Variants in ATXN1 observed in about 807,000 individuals in gnomAD.
The protein encoded by ATXN1 is ataxin 1.
In ATXN1, 8 loss-of-function variants were observed where a neutral mutation model predicts 56.4. That is an observed-to-expected ratio of 0.14 (90% CI 0.08 to 0.26). ATXN1 has a LOEUF of 0.26. Among genes scored for constraint, ATXN1 ranks in the 10% least tolerant of loss-of-function variants. The probability of loss-of-function intolerance (pLI) is 1.00; values close to 1 mark genes in which losing one functional copy is unlikely to be tolerated. For missense variants in ATXN1, 987 were observed against 1,106.5 expected (o/e 0.89, Z 1.53); for synonymous variants, 514 against 494.6 (o/e 1.04, Z -0.52).
In ATXN1 at chr6:16,743,572, C is replaced by T. The variant is rs867618060; in HGVS notation, c.-615+9661G>A. Among the ~76,000 whole-genome samples, 36 of 152,318 alleles carry T rather than the reference C, an allele frequency of 2.4e-4. No individual in the cohort carries two copies. In the Middle Eastern group the frequency reaches 0.01, roughly 43 times the overall value. ...GTATGTATTGCCCATTCACTAGATG[C>T]CACATACTGGAAAGAGGGCAGTCCC... On this transcript the variant is annotated intron_variant, in intron 2 of 7. Coordinates refer to ENST00000436367, the MANE Select transcript of ATXN1 (RefSeq NM_001128164.2).
At chr6:16,660,254 G>A (rs1758288562) in intron 2 of ATXN1, among the ~76,000 whole-genome samples, 1 of 152,158 alleles carries the variant, frequency 6.6e-6, no homozygotes, top group South Asian at 2.1e-4. Context: ...ACCATTTGAA[G>A]TTATCATAAG....
At chr6:16,357,023 C>A (rs772987797) in intron 6 of ATXN1, among the ~76,000 whole-genome samples, 4 of 152,110 alleles carry the variant, frequency 2.6e-5, no homozygotes, top group Non-Finnish European at 4.4e-5. Context: ...ATTCTTTTCA[C>A]CAACAGTCTC....
At chr6:16,556,622 G>A (rs965039261) in intron 4 of ATXN1, among the ~76,000 whole-genome samples, 2 of 152,122 alleles carry the variant, frequency 1.3e-5, no homozygotes, top group African/African-American at 2.4e-5. Flanking sequence ...CCCTACAAAC[G>A]CCAAATGGAC....
intron 6 of ATXN1, among the ~76,000 whole-genome samples, chr6:16,431,020 T>C (rs759529611): frequency 2.1e-5 from 3 of 141,200 alleles, no homozygotes; most frequent in Non-Finnish European, 4.6e-5. Context: ...CTCATGTTTC[T>C]ATGACCTTCC....
intron 6 of ATXN1, among the ~76,000 whole-genome samples, chr6:16,415,569 C>T (rs1231001855): frequency 2.0e-5 from 3 of 152,132 alleles, no homozygotes; most frequent in Admixed American, 1.3e-4. Context: ...CTTGTTTACC[C>T]GAAGCAGCTG....
At chr6:16,512,006 A>G (rs966706334) in intron 5 of ATXN1, among the ~76,000 whole-genome samples, 1 of 152,126 alleles carries the variant, frequency 6.6e-6, no homozygotes, top group Non-Finnish European at 1.5e-5. Flanking sequence ...TTTCTCCTCA[A>G]ACGGTCCCTC....
intron 6 of ATXN1, among the ~76,000 whole-genome samples, chr6:16,351,063 TG>T (rs1236066201): frequency 6.6e-6 from 1 of 152,078 alleles, no homozygotes; most frequent in Non-Finnish European, 1.5e-5. Flanking sequence ...CACTCCAACC[TG>T]GGAGACAGAA....
intron 6 of ATXN1, among the ~76,000 whole-genome samples, chr6:16,449,520 C>A (rs185822595): frequency 3.3e-5 from 5 of 149,680 alleles, no homozygotes; most frequent in African/African-American, 1.3e-4. Flanking sequence ...TTAAGTACAT[C>A]AATGAGCATC....
intron 6 of ATXN1, among the ~76,000 whole-genome samples, chr6:16,344,768 T>C (rs1321701269): frequency 6.6e-6 from 1 of 152,232 alleles, no homozygotes; most frequent in Non-Finnish European, 1.5e-5. Context: ...TTTGATCATG[T>C]GAGTCAATAT....
chr6:16,429,373 G>C (rs1257883063), intron 6 of ATXN1, among the ~76,000 whole-genome samples: 2 of 11,146 alleles, frequency 1.8e-4, no homozygotes, highest in African/African-American at 3.8e-4. Context: ...AGTCCTTTTA[G>C]CATTAAAAAA....
At chr6:16,548,955 T>C (rs975252708) in intron 4 of ATXN1, among the ~76,000 whole-genome samples, 3 of 151,906 alleles carry the variant, frequency 2.0e-5, no homozygotes, top group African/African-American at 7.3e-5. Flanking sequence ...GCAAACAAAA[T>C]AAAATACTAA....
chr6:16,510,989 T>G (rs1160347230), intron 5 of ATXN1, among the ~76,000 whole-genome samples: 2 of 152,228 alleles, frequency 1.3e-5, no homozygotes, highest in East Asian at 3.8e-4. Flanking sequence ...CATCAAAGTT[T>G]TAAAGAGTTT....
At chr6:16,335,324 C>T (rs567069923) in intron 6 of ATXN1, among the ~76,000 whole-genome samples, 2 of 152,312 alleles carry the variant, frequency 1.3e-5, no homozygotes, top group Non-Finnish European at 1.5e-5. Flanking sequence ...GACATCCAGG[C>T]CAGAAACCAC....
intron 2 of ATXN1, chr6:16,750,158 G>A (rs1257961227): frequency 1.3e-5 from 2 of 152,162 alleles, no homozygotes; most frequent in Non-Finnish European, 2.9e-5. Flanking sequence ...TTAGAACACT[G>A]TTAGAACCCC....
intron 3 of ATXN1, among the ~76,000 whole-genome samples, chr6:16,650,928 G>C (rs1048169410): frequency 2.0e-5 from 3 of 152,210 alleles, no homozygotes. Flanking sequence ...GGAGCTGCCT[G>C]ATTTGCAAAT....
intron 6 of ATXN1, among the ~76,000 whole-genome samples, chr6:16,329,818 C>T (rs1760938063): frequency 6.6e-6 from 1 of 152,240 alleles, no homozygotes. Context: ...CAGTCTCTTA[C>T]TAACCACTGA....
chr6:16,520,211 C>A (rs73724886), intron 5 of ATXN1, among the ~76,000 whole-genome samples: 38 of 152,292 alleles, frequency 2.5e-4, no homozygotes, highest in African/African-American at 8.9e-4. Context: ...AGCCCCATTG[C>A]ATACCATGAA....
rs573404827 is a variant in ATXN1 at position 16,366,409 on chromosome 6, G to C, written c.-160-37939C>G. ...ACAATCAGAAGCAGGAATGAATTTA[G>C]AATATAACAAAAGGGCCTCTTGGAT... On this transcript the variant is annotated intron_variant, in intron 6 of 7. Coordinates refer to ENST00000436367, the MANE Select transcript of ATXN1 (RefSeq NM_001128164.2). Among the ~76,000 whole-genome samples, 3 of 152,168 alleles carry C rather than the reference G, an allele frequency of 2.0e-5. No homozygotes were observed. In the South Asian group the frequency reaches 6.2e-4, roughly 32 times the overall value.
At chr6:16,746,013 T>C (rs1760525440) in intron 2 of ATXN1, among the ~76,000 whole-genome samples, 4 of 151,446 alleles carry the variant, frequency 2.6e-5, no homozygotes, top group African/African-American at 7.3e-5. Flanking sequence ...ATAAGCAACA[T>C]CTAGAGAGTG....
Sources: allele counts gnomAD v4.1 joint callset (sites outside exome capture counted in the v4.1 genomes callset), GRCh38; gene constraint gnomAD v4.1.1; transcripts MANE v1.5; gene names NCBI Gene and HGNC (gene_info 2026-07-23, HGNC 2026-07-21).